Variants in TENM3 observed in about 807,000 individuals in gnomAD.
TENM3 encodes the protein teneurin transmembrane protein 3, also known as teneurin-3.
A neutral mutation model predicts 255.1 loss-of-function variants in TENM3; 63 were observed. That is an observed-to-expected ratio of 0.25 (90% CI 0.20 to 0.30). The LOEUF (loss-of-function observed/expected upper bound fraction) is 0.30. TENM3 is among the 10% of genes least tolerant of loss of function. The pLI, the probability that TENM3 is intolerant of heterozygous loss-of-function variation, is 1.00. For synonymous variants in TENM3, 1,306 were observed against 1,322.3 expected, an observed-to-expected ratio of 0.99 and a Z score of 0.27; for missense variants, 2,929 against 3,461.1, an observed-to-expected ratio of 0.85 and a Z score of 3.86.
At chr4:181,902,703 A>G in the TENM3 span, among the ~76,000 whole-genome samples, 2 of 152,124 alleles carry the variant, frequency 1.3e-5, no homozygotes, top group African/African-American at 4.8e-5. Flanking sequence ...ATTCTCACTC[A>G]TAAGTAGAAG....
the TENM3 span, among the ~76,000 whole-genome samples, chr4:182,013,987 CGTATAT>C: frequency 2.8e-5 from 3 of 106,948 alleles, no homozygotes; most frequent in African/African-American, 1.2e-4. Context: ...CGTGTATATA[CGTATAT>C]ACACATATAT....
At chr4:181,862,920 T>C in the TENM3 span, among the ~76,000 whole-genome samples, 3 of 152,128 alleles carry the variant, frequency 2.0e-5, no homozygotes, top group African/African-American at 7.2e-5. Context: ...ACTGAAGTTA[T>C]TGATGGACAA....
At chr4:182,344,433 C>T (rs887429458) in intron 2 of TENM3, among the ~76,000 whole-genome samples, 4 of 151,916 alleles carry the variant, frequency 2.6e-5, no homozygotes, top group South Asian at 2.1e-4. Context: ...GTTTGGGATA[C>T]GTATATCAAT....
chr4:181,899,866 C>T, the TENM3 span, among the ~76,000 whole-genome samples: 81 of 152,034 alleles, frequency 5.3e-4, no homozygotes, highest in Admixed American at 1.2e-3. Context: ...GTATAGGATC[C>T]TAACAGTATT....
At chr4:182,061,700 C>T in the TENM3 span, among the ~76,000 whole-genome samples, 10 of 151,974 alleles carry the variant, frequency 6.6e-5, no homozygotes, top group East Asian at 1.9e-4. Flanking sequence ...TGCTCACGCC[C>T]GTAATCCCAG....
At chr4:181,811,841 A>G in the TENM3 span, among the ~76,000 whole-genome samples, 39 of 152,076 alleles carry the variant, frequency 2.6e-4, no homozygotes, top group African/African-American at 7.0e-4. Context: ...CGGTGGGGAC[A>G]CAGAGCCAAA....
the TENM3 span, among the ~76,000 whole-genome samples, chr4:181,782,171 A>G: frequency 1.3e-5 from 2 of 151,824 alleles, no homozygotes; most frequent in Non-Finnish European, 2.9e-5. Context: ...TTTTCTATTG[A>G]TTGGAATAGT....
intron 1 of TENM3, among the ~76,000 whole-genome samples, chr4:182,175,163 C>T (rs1752379171): frequency 6.6e-6 from 1 of 151,832 alleles, no homozygotes; most frequent in Non-Finnish European, 1.5e-5. Context: ...TTAGTGGCTC[C>T]TTGCAACCTA....
intron 12 of TENM3, among the ~76,000 whole-genome samples, chr4:182,693,642 A>G (rs1015017783): frequency 3.0e-4 from 45 of 152,238 alleles, no homozygotes; most frequent in African/African-American, 8.9e-4. Context: ...GTTTTTTCGC[A>G]ATGTAAAATG....
rs145219226 is a variant in TENM3, at chr4:182,721,847, A to G, written c.2369-7118A>G. On this transcript the variant is annotated intron_variant, in intron 13 of 27. Transcript: ENST00000511685. ...ATTACTAGTTAGATTGATGATCTTT[A>G]TATTTATTTCTTTTTTTGCTAATTG... is the stretch of plus-strand genomic sequence containing the variant. Among the ~76,000 whole-genome samples, 9 of 151,918 alleles carry G rather than the reference A, an allele frequency of 5.9e-5. 1 individual carries two copies. Among genetic ancestry groups the G allele is most frequent in the African/African-American group, 7.3e-5 (3 of 41,368 alleles).
At chr4:181,993,874 A>T in the TENM3 span, among the ~76,000 whole-genome samples, 1 of 152,102 alleles carries the variant, frequency 6.6e-6, no homozygotes, top group South Asian at 2.1e-4. Flanking sequence ...AGAATTTTTA[A>T]TTTTTTAAAA....
chr4:182,066,594 AAAAAAAT>A, the TENM3 span, among the ~76,000 whole-genome samples: 1 of 26,250 alleles, frequency 3.8e-5, no homozygotes, highest in African/African-American at 5.7e-5. Context: ...TTATGGTAAA[AAAAAAAT>A]ATATATATAT....
At chr4:181,762,916 A>G in the TENM3 span, among the ~76,000 whole-genome samples, 3 of 89,858 alleles carry the variant, frequency 3.3e-5, no homozygotes, top group Non-Finnish European at 4.8e-5. Context: ...AGACAGTGGT[A>G]GTAAAAAAAA....
At chr4:181,665,338 A>C in the TENM3 span, among the ~76,000 whole-genome samples, 1 of 152,222 alleles carries the variant, frequency 6.6e-6, no homozygotes, top group Non-Finnish European at 1.5e-5. Context: ...CAGAAGATAT[A>C]AAATGAAAAC....
intron 3 of TENM3, among the ~76,000 whole-genome samples, chr4:182,547,529 G>C (rs1054841350): frequency 2.6e-5 from 4 of 151,902 alleles, no homozygotes; most frequent in Non-Finnish European, 5.9e-5. Context: ...ATCAGTTATT[G>C]AACATATTAC....
At chr4:181,611,103 A>G in the TENM3 span, among the ~76,000 whole-genome samples, 9 of 152,324 alleles carry the variant, frequency 5.9e-5, no homozygotes, top group Middle Eastern at 3.4e-3. Context: ...ATGTTGTGCC[A>G]TGTTAATTAC....
At chr4:182,484,150 GCCAGGTACTGTTCTAAGTA>G (rs1437878844) in intron 3 of TENM3, among the ~76,000 whole-genome samples, 1 of 152,144 alleles carries the variant, frequency 6.6e-6, no homozygotes. Flanking sequence ...AACATCAAGT[GCCAGGTACTGTTCTAAGTA>G]CTCTGCATAG....
At chr4:181,772,616 C>A in the TENM3 span, among the ~76,000 whole-genome samples, 1 of 152,086 alleles carries the variant, frequency 6.6e-6, no homozygotes, top group African/African-American at 2.4e-5. Flanking sequence ...ACTATAATCC[C>A]TGGTTTTGTC....
the TENM3 span, among the ~76,000 whole-genome samples, chr4:181,761,749 C>A: frequency 2.6e-5 from 4 of 151,964 alleles, no homozygotes; most frequent in Non-Finnish European, 5.9e-5. Flanking sequence ...AAGTACTGGG[C>A]GTATATGCTA....
Sources: allele counts gnomAD v4.1 joint callset (sites outside exome capture counted in the v4.1 genomes callset), GRCh38; gene constraint gnomAD v4.1.1; transcripts MANE v1.5; gene names NCBI Gene and HGNC (gene_info 2026-07-23, HGNC 2026-07-21).